Variants in SEC14L1 observed in about 807,000 individuals in gnomAD.
The protein encoded by SEC14L1 is SEC14 like lipid binding 1, also known as SEC14-like protein 1.
In SEC14L1, 48 loss-of-function variants were observed where a neutral mutation model predicts 85.3. The observed-to-expected ratio is 0.56, with a 90% CI of 0.45 to 0.72. The LOEUF (loss-of-function observed/expected upper bound fraction) is 0.72, where lower values mean the gene tolerates loss of function less well. Among genes scored for constraint, SEC14L1 ranks in the 30% least tolerant of loss-of-function variants. The probability of loss-of-function intolerance (pLI) is 0.00; values close to 1 mark genes in which losing one functional copy is unlikely to be tolerated. For missense variants in SEC14L1, 682 were observed against 921.4 expected, an observed-to-expected ratio of 0.74 and a Z score of 3.36; for synonymous variants, 391 against 355.5, an observed-to-expected ratio of 1.10 and a Z score of -1.12.
At chr17:77,191,024 C>T (rs940581570) in intron 4 of SEC14L1, 72 bp downstream of exon 4, 12 of 1,578,476 alleles carry the variant, frequency 7.6e-6, no homozygotes, top group Admixed American at 1.7e-5. Context: ...TGGGAGAGGG[C>T]GTCCTGGAGG....
intron 3 of SEC14L1, among the ~76,000 whole-genome samples, chr17:77,162,650 T>C (rs1170200579): frequency 6.6e-6 from 1 of 152,008 alleles, no homozygotes; most frequent in Non-Finnish European, 1.5e-5. Flanking sequence ...ATGACCAACA[T>C]GGAGAAACCC....
chr17:77,196,973 G>A (rs969590044), intron 8 of SEC14L1, among the ~76,000 whole-genome samples: 7 of 152,148 alleles, frequency 4.6e-5, no homozygotes, highest in African/African-American at 1.7e-4. Flanking sequence ...AGCTCTCTCT[G>A]CTGCTGTTTT....
chr17:77,212,015 C>T lies in SEC14L1; in HGVS notation c.1677C>T (p.Asp559=), dbSNP rs1976777796. 1 of 1,613,978 alleles carries T rather than the reference C, an allele frequency of 6.2e-7. No individual in the cohort carries two copies. Among genetic ancestry groups the T allele is most frequent in the South Asian group, 1.1e-5 (1 of 91,082 alleles). The change falls in exon 15 of 17, where the codon GAC becomes GAT. Residue 559 remains aspartate (D), a synonymous_variant. Transcript: ENST00000436233. ...GGGATTTCGACGTGTGCAAAGGGGA[C>T]ATTGTGTTTAACATCTATCACTCCA... The part of the protein sequence containing the change: ...ITWDFDVCKG[D]IVFNIYHSKR...
In SEC14L1 at chr17:77,215,945, G is replaced by A. The variant is rs1444839608; in HGVS notation, c.*1922G>A. The A allele has an allele frequency of 9.3e-6, 9 of 967,752 alleles. No individual in the cohort carries two copies. The African/African-American group carries it at 1.3e-4, about 14-fold the overall frequency. The allele number at this position is 967,752 out of a possible 1,614,324, so 59.9% of individuals were successfully genotyped here. ...TAGGTAGGGTTCGTAGGTAGGGTTC[G>A]TAGGTAGGGTTAGGTAGGGTTCGTA... On this transcript the variant is annotated 3_prime_UTR_variant, in exon 17 of 17. Transcript: ENST00000436233.
At chr17:77,180,092 TGTTATGTTA>T (rs1974959935) in intron 3 of SEC14L1, among the ~76,000 whole-genome samples, 1 of 139,502 alleles carries the variant, frequency 7.2e-6, no homozygotes, top group Non-Finnish European at 1.6e-5. Context: ...TGTTATGTTA[TGTTATGTTA>T]CTTTATGATG....
At chr17:77,145,117 GTGTGTGTGTGTGTGTGTGTA>G (rs1453678067) in intron 3 of SEC14L1, 1 of 98,244 alleles carries the variant, frequency 1.0e-5, no homozygotes, top group African/African-American at 3.2e-5. Context: ...GTGTGTGTGT[GTGTGTGTGTGTGTGTGTGTA>G]TATATACACA....
chr17:77,174,148 T>A (rs1172137010), intron 3 of SEC14L1, among the ~76,000 whole-genome samples: 1 of 152,192 alleles, frequency 6.6e-6, no homozygotes, highest in African/African-American at 2.4e-5. Flanking sequence ...CTTGAACTCC[T>A]GACCTTGTGA....
At chr17:77,136,799 C>T (rs541224588), upstream of SEC14L1, among the ~76,000 whole-genome samples, 6 of 152,016 alleles carry the variant, frequency 3.9e-5, no homozygotes, top group Admixed American at 6.5e-5. Flanking sequence ...AGAAGGGGCC[C>T]GTGTTAGGCC....
At chr17:77,196,335 T>C (rs772031823) in intron 8 of SEC14L1, 24 bp downstream of exon 8, 1 of 1,389,116 alleles carries the variant, frequency 7.2e-7, no homozygotes, top group Non-Finnish European at 1.0e-6. Flanking sequence ...CCACACCCAG[T>C]GTGCAGGGCC....
Position 77,119,719 on chromosome 17 carries a change from G to C in SEC14L1, c.-135-22927G>C, listed in dbSNP as rs559138479. Among the ~76,000 whole-genome samples the C allele has an allele frequency of 3.2e-3, 490 of 152,126 alleles. 3 individuals are homozygous for C. Among genetic ancestry groups the C allele is most frequent in the Middle Eastern group, 6.8e-3 (2 of 292 alleles). ...GCCCCAGGCTGGCTTGCCTCAAACG[G>C]CCCTTACACTCCAGCAGTTCATACT... On this transcript the variant is annotated intron_variant, in intron 3 of 19. Coordinates refer to the SEC14L1 transcript ENST00000392476.
chr17:77,187,425 T>G (rs904555507), intron 3 of SEC14L1, among the ~76,000 whole-genome samples: 10 of 152,098 alleles, frequency 6.6e-5, no homozygotes, highest in Non-Finnish European at 1.2e-4. Flanking sequence ...CCGCCCAGTT[T>G]GGAGTGTGGT....
Position 77,194,819 on chromosome 17 carries a change from T to C in SEC14L1, c.617T>C (p.Val206Ala), listed in dbSNP as rs1975720751. The C allele has an allele frequency of 6.2e-7, 1 of 1,614,182 alleles. No individual in the cohort carries two copies. The highest frequency in any genetic ancestry group is 8.5e-7 in the Non-Finnish European group (1 of 1,180,020). The change falls in exon 7 of 17, where the codon GTC becomes GCC. Residue 206 changes from valine (V) to alanine (A), a missense_variant. Val to Ala is a moderately conservative substitution (Grantham distance 64). This residue lies in a region of SEC14L1 where 123 missense variants were observed against 100.6 expected (regional missense o/e 1.22). Coordinates refer to ENST00000436233, the MANE Select transcript of SEC14L1 (RefSeq NM_001143998.2). ...SSKKQAASMA[V>A]VIPEAALKEG... Reference sequence around the variant, plus strand: ...AAGAAACAAGCAGCGTCCATGGCCGTCGTCATCCCAGAAGCTGCCCTCAAG... The same window carrying C: ...AAGAAACAAGCAGCGTCCATGGCCGCCGTCATCCCAGAAGCTGCCCTCAAG...
At chr17:77,121,462 G>T (rs898495441) in intron 3 of SEC14L1, among the ~76,000 whole-genome samples, 1 of 152,076 alleles carries the variant, frequency 6.6e-6, no homozygotes, top group African/African-American at 2.4e-5. Flanking sequence ...AGGTTCAAGC[G>T]ATTCTCCTGC....
At chr17:77,129,379 A>G (rs1189445691) in intron 3 of SEC14L1, among the ~76,000 whole-genome samples, 2 of 152,070 alleles carry the variant, frequency 1.3e-5, no homozygotes, top group African/African-American at 4.8e-5. Context: ...AGGTCCTGCC[A>G]ACGTGGGGAA....
At chr17:77,090,984 AAGAT>A (rs905149398) in intron 2 of SEC14L1, among the ~76,000 whole-genome samples, 9 of 151,422 alleles carry the variant, frequency 5.9e-5, no homozygotes, top group Non-Finnish European at 1.3e-4. Flanking sequence ...AAAAAAAAAA[AAGAT>A]AGGGAAGGCC....
At position 77,212,012 on chromosome 17, in the gene SEC14L1, G is replaced by A. The variant is rs1214168789; in HGVS notation, c.1674G>A (p.Gly558=). ...VITWDFDVCK[G]DIVFNIYHSK... ...CTTGGGATTTCGACGTGTGCAAAGG[G>A]GACATTGTGTTTAACATCTATCACT... is the stretch of plus-strand genomic sequence containing the variant. Residue 558 remains glycine (G), a synonymous_variant, in exon 15 of 17, where the codon GGG becomes GGA. Transcript: ENST00000436233. 6.2e-7 allele frequency: 1 copy of A among 1,613,960 alleles called. No homozygotes were observed. The highest frequency in any genetic ancestry group is 1.3e-5 in the African/African-American group (1 of 74,898).
chr17:77,195,563 G>A (rs924017601), intron 7 of SEC14L1, among the ~76,000 whole-genome samples: 4 of 152,056 alleles, frequency 2.6e-5, no homozygotes, highest in Non-Finnish European at 5.9e-5. Flanking sequence ...TCTCGGCTCA[G>A]TGCAGCCTTC....
chr17:77,215,260 T>C lies in SEC14L1; in HGVS notation c.*1237T>C. 4.1e-6 allele frequency: 4 copies of C among 985,448 alleles called. No individual in the cohort carries two copies. Among genetic ancestry groups the C allele is most frequent in the Non-Finnish European group, 4.8e-6 (4 of 829,938 alleles). The allele number at this position is 985,448 out of a possible 1,614,324, so 61.0% of individuals were successfully genotyped here. On this transcript the variant is annotated 3_prime_UTR_variant, in exon 17 of 17. Coordinates refer to ENST00000436233, the MANE Select transcript of SEC14L1 (RefSeq NM_001143998.2). ...CTGCTCTATCTGGTACAGGCCCTTATTTTTTCAGCTTTTTATGGGAAAAGC... is the reference window on the plus strand; with the variant it reads ...CTGCTCTATCTGGTACAGGCCCTTACTTTTTCAGCTTTTTATGGGAAAAGC...
chr17:77,198,752 T>C (rs1479628801), intron 8 of SEC14L1, among the ~76,000 whole-genome samples: 1 of 151,990 alleles, frequency 6.6e-6, no homozygotes, highest in Non-Finnish European at 1.5e-5. Flanking sequence ...TTTTGTATTT[T>C]TAGTAGAGAT....
Sources: gnomAD v4.1 joint callset for allele counts (sites outside exome capture counted in the v4.1 genomes callset) on GRCh38, gnomAD v4.1.1 for gene constraint, gnomAD v4.1.1 regional missense constraint, MANE v1.5 for transcripts, NCBI Gene and HGNC (gene_info 2026-07-23, HGNC 2026-07-21) for gene names.